CFAP263: variants seen among roughly 807,000 people sequenced by gnomAD.
CFAP263 encodes cilia and flagella associated protein 263, also known as cilia- and flagella-associated protein 263.
At chr16:58,252,729 A>C in the CFAP263 span, 1 of 1,613,352 alleles carries the variant, frequency 6.2e-7, no homozygotes, top group East Asian at 2.2e-5. Context: ...TCTTGCAGCT[A>C]TGTAAACTCT....
At chr16:58,253,472 C>T in the CFAP263 span, among the ~76,000 whole-genome samples, 1 of 152,154 alleles carries the variant, frequency 6.6e-6, no homozygotes, top group African/African-American at 2.4e-5. Context: ...GAAAGTGGGC[C>T]TAGCACAGGC....
At chr16:58,266,957 C>G in the CFAP263 span, among the ~76,000 whole-genome samples, 2 of 152,236 alleles carry the variant, frequency 1.3e-5, no homozygotes, top group South Asian at 4.1e-4. Flanking sequence ...GTCTCTGTGA[C>G]CTTGGGGAAA....
the CFAP263 span, among the ~76,000 whole-genome samples, chr16:58,251,474 C>G: frequency 3.3e-5 from 5 of 152,334 alleles, no homozygotes; most frequent in East Asian, 9.6e-4. Flanking sequence ...TCACTGCAAC[C>G]TCTGCTTCCC....
the CFAP263 span, chr16:58,254,084 A>G: frequency 6.2e-7 from 1 of 1,614,234 alleles, no homozygotes. Flanking sequence ...AGCTGGTACA[A>G]AAAGAGGTTG....
At chr16:58,265,975 C>T in the CFAP263 span, among the ~76,000 whole-genome samples, 6 of 152,304 alleles carry the variant, frequency 3.9e-5, no homozygotes, top group Non-Finnish European at 5.9e-5. Context: ...GCTGGACTTG[C>T]GGCAAAGTCC....
chr16:58,266,539 C>T, the CFAP263 span, among the ~76,000 whole-genome samples: 84 of 151,388 alleles, frequency 5.5e-4, no homozygotes, highest in African/African-American at 1.8e-3. Context: ...CCCTACTGTC[C>T]GGGCTGTGAG....
chr16:58,249,993 CA>C, the CFAP263 span: 1 of 1,519,720 alleles, frequency 6.6e-7, no homozygotes, highest in African/African-American at 1.4e-5. Flanking sequence ...ACGGCATTGG[CA>C]GGGGCCGCTT....
the CFAP263 span, chr16:58,283,532 T>G: frequency 1.3e-5 from 2 of 152,166 alleles, no homozygotes. Context: ...ACGGGCAGCA[T>G]TTTTTTCTTT....
chr16:58,270,769 G>A, the CFAP263 span, among the ~76,000 whole-genome samples: 3 of 151,972 alleles, frequency 2.0e-5, no homozygotes, highest in South Asian at 2.1e-4. Flanking sequence ...TTTTATAATC[G>A]ATTTTGAGTT....
At chr16:58,280,490 G>A in the CFAP263 span, 2 of 1,614,178 alleles carry the variant, frequency 1.2e-6, no homozygotes, top group African/African-American at 2.7e-5. Flanking sequence ...GATCCAACAT[G>A]GCCCAGTTCA....
the CFAP263 span, among the ~76,000 whole-genome samples, chr16:58,267,877 A>G: frequency 6.6e-6 from 1 of 152,180 alleles, no homozygotes; most frequent in Non-Finnish European, 1.5e-5. Flanking sequence ...CATAAAGTAC[A>G]ATATTCGATG....
chr16:58,250,270 C>G, the CFAP263 span: 10 of 549,426 alleles, frequency 1.8e-5, no homozygotes, highest in East Asian at 3.3e-4. Context: ...CACCACTGAG[C>G]CAACAAGCTG....
chr16:58,249,962 G>A, the CFAP263 span: 2 of 1,249,292 alleles, frequency 1.6e-6, no homozygotes, highest in Non-Finnish European at 2.3e-6. Flanking sequence ...GTGGCCGCCG[G>A]CACCCGGAGC....
At chr16:58,277,476 C>T in the CFAP263 span, among the ~76,000 whole-genome samples, 1 of 152,194 alleles carries the variant, frequency 6.6e-6, no homozygotes, top group Non-Finnish European at 1.5e-5. Flanking sequence ...CTAATTTTTA[C>T]TGCATGATAA....
the CFAP263 span, among the ~76,000 whole-genome samples, chr16:58,268,084 C>T: frequency 1.4e-5 from 2 of 146,446 alleles, no homozygotes; most frequent in Admixed American, 6.8e-5. Context: ...TACGACATCT[C>T]GCCGATACCC....
At chr16:58,253,390 A>T in the CFAP263 span, among the ~76,000 whole-genome samples, 9 of 143,750 alleles carry the variant, frequency 6.3e-5, no homozygotes, top group South Asian at 9.1e-4. Flanking sequence ...CAAAAAAATT[A>T]AAAAAAAAAA....
the CFAP263 span, chr16:58,283,297 C>T: frequency 2.0e-5 from 3 of 152,182 alleles, no homozygotes; most frequent in Non-Finnish European, 2.9e-5. Context: ...TCTATGGGGA[C>T]GGGTCACCAT....
chr16:58,258,572 A>T, the CFAP263 span: 1 of 1,569,608 alleles, frequency 6.4e-7, no homozygotes, highest in Non-Finnish European at 8.7e-7. Context: ...TCTTACAGGG[A>T]TGTTATGGAA....
the CFAP263 span, chr16:58,267,521 A>G: frequency 6.2e-7 from 1 of 1,614,004 alleles, no homozygotes; most frequent in Non-Finnish European, 8.5e-7. Context: ...CAATCTGGAC[A>G]AGGAGATCTT....
Sources: gnomAD v4.1 joint callset for allele counts (sites outside exome capture counted in the v4.1 genomes callset) on GRCh38, gnomAD v4.1.1 for gene constraint, MANE v1.5 for transcripts, NCBI Gene and HGNC (gene_info 2026-07-23, HGNC 2026-07-21) for gene names.